The following MLKL variants were observed in gnomAD, a reference collection of about 807,000 sequenced individuals.
MLKL encodes mixed lineage kinase domain-like protein.
In MLKL, 55 loss-of-function variants were observed where a neutral mutation model predicts 56.5. The ratio of observed to expected loss-of-function variants is 0.97; its 90% confidence interval spans 0.78 to 1.22. The LOEUF (loss-of-function observed/expected upper bound fraction) is 1.22, where lower values mean the gene tolerates loss of function less well. MLKL is among the 50% of genes most tolerant of loss of function. MLKL has a pLI of 0.00. For synonymous variants in MLKL, 251 were observed against 208.3 expected, an observed-to-expected ratio of 1.20 and a Z score of -1.76; for missense variants, 694 against 573.9, an observed-to-expected ratio of 1.21 and a Z score of -2.14.
rs1481137634 is a variant in MLKL, at chr16:74,682,768, G to A, written c.839C>T (p.Ser280Phe). ...GAGTTCACAGTACTCCATGACAATG[G>A]AGAATTGAGGCGGAGTCACTGGTGG... ...IDETVTPPQF[S>F]IVMEYCELGT... Residue 280 changes from serine (S) to phenylalanine (F), a missense_variant, in exon 6 of 11, where the codon TCC (serine) becomes TTC (phenylalanine). By Grantham distance (155) the Ser-to-Phe change is radical. Transcript: ENST00000308807. The A allele has an allele frequency of 6.2e-7, 1 of 1,614,064 alleles. No individual in the cohort carries two copies. The highest frequency in any genetic ancestry group is 8.5e-7 in the Non-Finnish European group (1 of 1,179,996).
chr16:74,678,874 A>C, intron 7 of MLKL, 25 bp downstream of exon 7: 1 of 1,603,510 alleles, frequency 6.2e-7, no homozygotes, highest in Non-Finnish European at 8.5e-7. Context: ...GTTTGACCCA[A>C]AGCGCCCCCG....
chr16:74,698,838 T>C (rs1961209628), intron 1 of MLKL, among the ~76,000 whole-genome samples: 1 of 152,068 alleles, frequency 6.6e-6, no homozygotes, highest in East Asian at 1.9e-4. Flanking sequence ...ATTGCAGCGG[T>C]CACATTGGCT....
chr16:74,692,700 TG>T (rs1960745606), intron 2 of MLKL, among the ~76,000 whole-genome samples: 1 of 152,264 alleles, frequency 6.6e-6, no homozygotes, highest in Admixed American at 6.5e-5. Context: ...GGTTCCAACC[TG>T]GCTGCTTTGG....
At position 74,674,153 on chromosome 16, in the gene MLKL, A is replaced by ATTCTT. The variant is rs1555530874; in HGVS notation, c.1381+802_1381+806dup. ...TATGCGTTGTAGGATGTTGAATAGCATTCTTTTTTTTTTTTTTTTGAGATG... is the reference window on the plus strand; with the variant it reads ...TATGCGTTGTAGGATGTTGAATAGCATTCTTTTCTTTTTTTTTTTTTTTTGAGATG... On this transcript the variant is annotated intron_variant, in intron 10 of 10. Coordinates refer to ENST00000308807, the MANE Select transcript of MLKL (RefSeq NM_152649.4). Among the ~76,000 whole-genome samples, 24 of 127,356 alleles carry ATTCTT rather than the reference A, an allele frequency of 1.9e-4. 1 individual carries two copies. The East Asian group carries it at 6.4e-3, about 34-fold the overall frequency. The allele number at this position is 127,356 out of a possible 152,430, so 83.6% of individuals were successfully genotyped here. A position where few individuals can be genotyped will look rare whatever the true frequency, so the allele number is the denominator to read the frequency against.
Position 74,695,607 on chromosome 16 carries a change from T to A in MLKL, c.151A>T (p.Arg51Trp). 1 of 1,614,222 alleles carries A rather than the reference T, an allele frequency of 6.2e-7. No individual in the cohort carries two copies. Among genetic ancestry groups the A allele is most frequent in the Non-Finnish European group, 8.5e-7 (1 of 1,180,048 alleles). ...PLEMLQDQGKRSVPSEKLTTA... is the reference protein window; with the variant it reads ...PLEMLQDQGKWSVPSEKLTTA... ...GTTAACTTCTCAGAGGGCACGCTCC[T>A]CTTTCCTTGGTCCTGGAGCATCTCC... The change falls in exon 2 of 11, where the codon AGG becomes TGG. Residue 51 changes from arginine to tryptophan, a missense_variant. Transcript: ENST00000308807.
chr16:74,674,160 T>TTC (rs924316437), intron 10 of MLKL, among the ~76,000 whole-genome samples: 1 of 150,656 alleles, frequency 6.6e-6, no homozygotes, highest in African/African-American at 2.4e-5. Flanking sequence ...AGCATTCTTT[T>TTC]TTTTTTTTTT....
chr16:74,680,137 C>G (rs989013216), intron 6 of MLKL, among the ~76,000 whole-genome samples: 3 of 152,096 alleles, frequency 2.0e-5, no homozygotes, highest in African/African-American at 4.8e-5. Context: ...TGAAAGGGCT[C>G]CAGTGCCCAC....
intron 2 of MLKL, among the ~76,000 whole-genome samples, chr16:74,692,936 G>C (rs190854887): frequency 4.6e-5 from 7 of 152,308 alleles, no homozygotes; most frequent in Admixed American, 2.6e-4. Context: ...ATTTACAGTG[G>C]TCAGCCATCC....
intron 7 of MLKL, chr16:74,676,145 T>C (rs759603155): frequency 3.8e-5 from 23 of 597,690 alleles, no homozygotes; most frequent in Non-Finnish European, 4.9e-5. Context: ...AGAGGGGTCA[T>C]AGAGCCACTG....
chr16:74,694,031 G>A (rs1398441713), intron 2 of MLKL, among the ~76,000 whole-genome samples: 3 of 152,182 alleles, frequency 2.0e-5, no homozygotes, highest in Non-Finnish European at 2.9e-5. Flanking sequence ...AAACAGTAGG[G>A]TAGATGCCAA....
intron 2 of MLKL, among the ~76,000 whole-genome samples, chr16:74,693,603 A>ATTTTTTTTTTTT (rs71376299): frequency 7.4e-6 from 1 of 135,786 alleles, no homozygotes; most frequent in African/African-American, 2.7e-5. Flanking sequence ...GAAATGGTAA[A>ATTTTTTTTTTTT]TTTTTTTTTT....
chr16:74,689,206 C>G (rs891521822), intron 4 of MLKL, among the ~76,000 whole-genome samples: 2 of 151,730 alleles, frequency 1.3e-5, no homozygotes, highest in African/African-American at 4.8e-5. Flanking sequence ...CCTTGGCCTC[C>G]AAGGTTCAAG....
At position 74,697,235 on chromosome 16, in the gene MLKL, T is replaced by C. The variant is rs537795041; in HGVS notation, c.-2-1476A>G. ...AGCACAGAGCCCTGATCCTAAAGCTTGGAATGAGGCTAACCTGAGCATGGT... is the reference window on the plus strand; with the variant it reads ...AGCACAGAGCCCTGATCCTAAAGCTCGGAATGAGGCTAACCTGAGCATGGT... On this transcript the variant is annotated intron_variant, in intron 1 of 10. Transcript: ENST00000308807. Among the ~76,000 whole-genome samples the C allele has an allele frequency of 5.9e-5, 9 of 151,768 alleles. No homozygotes were observed. The South Asian group carries it at 1.9e-3, about 32-fold the overall frequency.
In MLKL at chr16:74,684,367, G is replaced by A. The variant is rs149593993; in HGVS notation, c.820+1119C>T. ...TGTCCAATCTCTAGGCAAGACGGCA[G>A]CAAAACATGACCAGCAGGAGGGGTC... On this transcript the variant is annotated intron_variant, in intron 5 of 10. Transcript: ENST00000308807. Among the ~76,000 whole-genome samples, 173 of 137,824 alleles carry A rather than the reference G, an allele frequency of 1.3e-3. 1 individual carries two copies. Among genetic ancestry groups the A allele is most frequent in the South Asian group, 8.3e-3 (35 of 4,200 alleles). The allele number at this position is 137,824 out of a possible 152,430, so 90.4% of individuals were successfully genotyped here.
chr16:74,697,570 G>C (rs1261392637), intron 1 of MLKL, among the ~76,000 whole-genome samples: 2 of 152,132 alleles, frequency 1.3e-5, no homozygotes, highest in East Asian at 1.9e-4. Flanking sequence ...GGGCACAGTA[G>C]TTCATACCCG....
intron 6 of MLKL, among the ~76,000 whole-genome samples, chr16:74,681,613 G>A (rs1485502507): frequency 1.3e-5 from 2 of 151,812 alleles, no homozygotes; most frequent in African/African-American, 4.8e-5. Context: ...CTAACATGGT[G>A]AAACCCCGTC....
At chr16:74,683,004 G>A (rs944621988) in intron 5 of MLKL, among the ~76,000 whole-genome samples, 6 of 151,800 alleles carry the variant, frequency 4.0e-5, no homozygotes, top group East Asian at 1.9e-4. Flanking sequence ...TTGGCTTGTC[G>A]TAATTCTACC....
chr16:74,674,235 C>T (rs934920594), intron 10 of MLKL, among the ~76,000 whole-genome samples: 1 of 151,716 alleles, frequency 6.6e-6, no homozygotes, highest in Non-Finnish European at 1.5e-5. Context: ...ACTCTGCAAC[C>T]TCTGCCTCCT....
intron 4 of MLKL, among the ~76,000 whole-genome samples, chr16:74,690,568 G>A (rs1223737615): frequency 6.6e-6 from 1 of 152,124 alleles, no homozygotes; most frequent in Non-Finnish European, 1.5e-5. Context: ...AGGCGCTTGA[G>A]TCCAGGAGTT....
Sources: allele counts gnomAD v4.1 joint callset (sites outside exome capture counted in the v4.1 genomes callset), GRCh38; gene constraint gnomAD v4.1.1; transcripts MANE v1.5; gene names NCBI Gene and HGNC (gene_info 2026-07-23, HGNC 2026-07-21).